Variants in RALYL observed in about 807,000 individuals in gnomAD.
RALYL encodes RNA-binding Raly-like protein.
Under a neutral mutation model 35.1 loss-of-function variants are expected in RALYL, and 29 were observed. That is an observed-to-expected ratio of 0.83 (90% CI 0.61 to 1.13). The LOEUF (loss-of-function observed/expected upper bound fraction) is 1.13, where lower values mean the gene tolerates loss of function less well. Among genes scored for constraint, RALYL ranks in the 50% most tolerant of loss-of-function variants. The probability of loss-of-function intolerance (pLI) is 0.00; values close to 1 mark genes in which losing one functional copy is unlikely to be tolerated. For synonymous variants in RALYL, 120 were observed against 127.6 expected (o/e 0.94, Z 0.40); for missense variants, 359 against 360.4 (o/e 1.00, Z 0.03).
intron 2 of RALYL, among the ~76,000 whole-genome samples, chr8:84,689,467 C>T (rs1837555921): frequency 1.3e-5 from 2 of 152,170 alleles, no homozygotes; most frequent in South Asian, 2.1e-4. Context: ...TTTCTTAATC[C>T]AGTCTATCAT....
At chr8:84,596,340 C>G (rs1814529332) in intron 2 of RALYL, among the ~76,000 whole-genome samples, 1 of 152,066 alleles carries the variant, frequency 6.6e-6, no homozygotes, top group Non-Finnish European at 1.5e-5. Context: ...CAGCAACTGC[C>G]ATATTTGAAA....
intron 2 of RALYL, among the ~76,000 whole-genome samples, chr8:84,684,619 T>C (rs1201527224): frequency 6.6e-6 from 1 of 152,168 alleles, no homozygotes; most frequent in East Asian, 1.9e-4. Flanking sequence ...AAGTTAGTAT[T>C]TGAAAGGTCA....
intron 4 of RALYL, among the ~76,000 whole-genome samples, chr8:84,836,004 CT>C (rs1831944285): frequency 6.6e-6 from 1 of 152,060 alleles, no homozygotes; most frequent in South Asian, 2.1e-4. Flanking sequence ...TGTATGTTAC[CT>C]TGTAAGCCAT....
At chr8:84,486,008 GCT>G (rs1491503267) in intron 1 of RALYL, among the ~76,000 whole-genome samples, 86 of 122,276 alleles carry the variant, frequency 7.0e-4, no homozygotes, top group African/African-American at 2.2e-3. Context: ...AAAATCAAAA[GCT>G]TTTTTTTTTT....
intron 6 of RALYL, among the ~76,000 whole-genome samples, chr8:84,872,180 G>A (rs546622875): frequency 6.6e-6 from 1 of 152,252 alleles, no homozygotes; most frequent in African/African-American, 2.4e-5. Context: ...CTGTTCCATT[G>A]TAATGGCTTT....
At chr8:84,537,641 C>T (rs2059706972) in intron 2 of RALYL, among the ~76,000 whole-genome samples, 1 of 152,058 alleles carries the variant, frequency 6.6e-6, no homozygotes, top group African/African-American at 2.4e-5. Context: ...GTATCAGTGG[C>T]TTGTAGTAAT....
intron 1 of RALYL, among the ~76,000 whole-genome samples, chr8:84,493,076 C>G (rs1295528559): frequency 6.6e-6 from 1 of 152,038 alleles, no homozygotes; most frequent in Non-Finnish European, 1.5e-5. Context: ...CCCTCCCCTG[C>G]CCTGCTGACA....
Position 84,261,986 on chromosome 8 carries a change from T to G in RALYL, c.-24+77562T>G, listed in dbSNP as rs141297375. Among the ~76,000 whole-genome samples, 1,178 of 152,276 alleles carry G rather than the reference T, an allele frequency of 7.7e-3. 19 individuals carry two copies. The highest frequency in any genetic ancestry group is 0.027 in the African/African-American group (1,133 of 41,574). ...AAGACACTTGACAGAGGAAATTTTG[T>G]GTCATCACTTATTAAACTCAAAGTT... On this transcript the variant is annotated intron_variant, in intron 1 of 8. Transcript: ENST00000521268.
chr8:84,417,782 C>T (rs576137964), intron 1 of RALYL, among the ~76,000 whole-genome samples: 1 of 152,218 alleles, frequency 6.6e-6, no homozygotes, highest in Admixed American at 6.5e-5. Context: ...CTCTCCAATT[C>T]TTTATTTTCC....
At chr8:84,813,201 G>T (rs1344359691) in intron 4 of RALYL, among the ~76,000 whole-genome samples, 1 of 152,186 alleles carries the variant, frequency 6.6e-6, no homozygotes, top group Non-Finnish European at 1.5e-5. Flanking sequence ...CCAGTCGGGG[G>T]TGTGTGTTTG....
At chr8:84,808,892 T>G (rs1825283380) in intron 4 of RALYL, among the ~76,000 whole-genome samples, 1 of 152,184 alleles carries the variant, frequency 6.6e-6, no homozygotes, top group Admixed American at 6.6e-5. Flanking sequence ...TTATCCATTC[T>G]AGGAGCTTTC....
chr8:84,872,927 T>C (rs1371828003), intron 6 of RALYL: 1 of 170,976 alleles, frequency 5.8e-6, no homozygotes, highest in Non-Finnish European at 1.2e-5. Flanking sequence ...TCTGGCATGA[T>C]TTAATTATTG....
chr8:84,301,694 G>A (rs1840820443), intron 1 of RALYL, among the ~76,000 whole-genome samples: 1 of 151,776 alleles, frequency 6.6e-6, no homozygotes, highest in African/African-American at 2.4e-5. Context: ...TCCATTTGAG[G>A]GCTCTAGTTA....
At chr8:84,890,617 G>T (rs1843661137) in intron 8 of RALYL, among the ~76,000 whole-genome samples, 1 of 152,152 alleles carries the variant, frequency 6.6e-6, no homozygotes, top group South Asian at 2.1e-4. Flanking sequence ...TGCTGAAGGG[G>T]GCTCTAGGAA....
intron 1 of RALYL, among the ~76,000 whole-genome samples, chr8:84,263,430 G>A (rs1586630611): frequency 6.6e-6 from 1 of 152,080 alleles, no homozygotes; most frequent in African/African-American, 2.4e-5. Context: ...GACATGACAA[G>A]TTACTTTCAG....
At chr8:84,461,498 T>G (rs145659169) in intron 1 of RALYL, among the ~76,000 whole-genome samples, 12 of 151,824 alleles carry the variant, frequency 7.9e-5, no homozygotes, top group African/African-American at 2.6e-4. Flanking sequence ...CATTAAACAT[T>G]CAGATAAACA....
At chr8:84,791,820 T>C (rs140758026) in intron 3 of RALYL, among the ~76,000 whole-genome samples, 35 of 152,362 alleles carry the variant, frequency 2.3e-4, no homozygotes, top group Middle Eastern at 6.8e-3. Context: ...TATTCAGCGA[T>C]GTGGGCTGAG....
chr8:84,815,191 T>C (rs1334547129), intron 4 of RALYL, among the ~76,000 whole-genome samples: 1 of 152,212 alleles, frequency 6.6e-6, no homozygotes, highest in South Asian at 2.1e-4. Flanking sequence ...CCAGGATAGA[T>C]GCAAAGAGCC....
chr8:84,919,320 G>A (rs1848954164), intron 8 of RALYL, among the ~76,000 whole-genome samples: 1 of 151,946 alleles, frequency 6.6e-6, no homozygotes, highest in African/African-American at 2.4e-5. Context: ...TCATATATCA[G>A]TGTTCATCTA....
Sources: allele counts gnomAD v4.1 joint callset (sites outside exome capture counted in the v4.1 genomes callset), GRCh38; gene constraint gnomAD v4.1.1; transcripts MANE v1.5; gene names NCBI Gene and HGNC (gene_info 2026-07-23, HGNC 2026-07-21).